GAB2: variants seen among roughly 807,000 people sequenced by gnomAD.
GAB2 encodes GRB2 associated binding protein 2, also known as GRB2-associated-binding protein 2.
In GAB2, 26 loss-of-function variants were observed where a neutral mutation model predicts 65.5. The observed-to-expected ratio is 0.40, with a 90% CI of 0.29 to 0.55. The LOEUF is 0.55. GAB2 is among the 20% of genes least tolerant of loss of function. The pLI is 0.53. For missense variants in GAB2, 884 were observed against 875.8 expected, an observed-to-expected ratio of 1.01 and a Z score of -0.12; for synonymous variants, 321 against 329.6, an observed-to-expected ratio of 0.97 and a Z score of 0.28.
At chr11:78,259,501 T>C (rs1865680052) in intron 2 of GAB2, among the ~76,000 whole-genome samples, 1 of 152,218 alleles carries the variant, frequency 6.6e-6, no homozygotes, top group Non-Finnish European at 1.5e-5. Context: ...TGACAGGTGC[T>C]GAGGGCAAGA....
chr11:78,380,472 G>A lies in GAB2; in HGVS notation c.75+37174C>T, dbSNP rs1365784337. ...GCCTGCCTCGGCCTCCCAAAGTGCT[G>A]GGATTACAGGAATGAGAACATTTCT... On this transcript the variant is annotated intron_variant, in intron 1 of 9. Coordinates refer to ENST00000361507, the MANE Select transcript of GAB2 (RefSeq NM_080491.3). Among the ~76,000 whole-genome samples, 5 of 152,164 alleles carry A rather than the reference G, an allele frequency of 3.3e-5. No individual in the cohort carries two copies. The East Asian group carries it at 9.6e-4, about 29-fold the overall frequency.
chr11:78,275,770 T>G (rs771206654), intron 2 of GAB2, among the ~76,000 whole-genome samples: 5 of 152,244 alleles, frequency 3.3e-5, no homozygotes, highest in Admixed American at 6.5e-5. Context: ...ATATATACAC[T>G]AAAACACACA....
intron 1 of GAB2, among the ~76,000 whole-genome samples, chr11:78,322,813 AC>A (rs1190967027): frequency 6.4e-4 from 95 of 148,992 alleles, no homozygotes; most frequent in African/African-American, 2.3e-3. Context: ...AAAAAAAAAA[AC>A]AACAACAGAT....
intron 1 of GAB2, among the ~76,000 whole-genome samples, chr11:78,301,371 C>A (rs943365798): frequency 2.0e-5 from 3 of 148,812 alleles, no homozygotes; most frequent in Middle Eastern, 3.4e-3. Flanking sequence ...GCACTGTCAC[C>A]CAGGCTGGAG....
intron 1 of GAB2, among the ~76,000 whole-genome samples, chr11:78,412,135 T>A (rs1857138084): frequency 7.1e-6 from 1 of 140,604 alleles, no homozygotes; most frequent in South Asian, 2.4e-4. Flanking sequence ...CAAAACTCCA[T>A]CTCAAAAAAA....
At chr11:78,282,831 T>C (rs1420165739) in intron 1 of GAB2, among the ~76,000 whole-genome samples, 3 of 152,216 alleles carry the variant, frequency 2.0e-5, no homozygotes. Flanking sequence ...CTACCATCTT[T>C]TCACTCTCAC....
chr11:78,244,583 A>C (rs1457279538), intron 3 of GAB2, among the ~76,000 whole-genome samples: 1 of 151,840 alleles, frequency 6.6e-6, no homozygotes, highest in Non-Finnish European at 1.5e-5. Flanking sequence ...AGCAAAAAAA[A>C]ACAAATAATG....
At chr11:78,389,375 C>T (rs1207902904) in intron 1 of GAB2, among the ~76,000 whole-genome samples, 2 of 150,960 alleles carry the variant, frequency 1.3e-5, no homozygotes, top group Non-Finnish European at 2.9e-5. Context: ...GGCACAATCT[C>T]GGCTCACTGC....
chr11:78,291,222 G>A (rs1351799412), intron 1 of GAB2, among the ~76,000 whole-genome samples: 1 of 150,520 alleles, frequency 6.6e-6, no homozygotes. Flanking sequence ...AGAGGCCGAG[G>A]CAGGCAGATC....
At chr11:78,229,482 A>T (rs1430138783) in intron 3 of GAB2, among the ~76,000 whole-genome samples, 3 of 152,036 alleles carry the variant, frequency 2.0e-5, no homozygotes, top group African/African-American at 7.2e-5. Context: ...TCAAGAATGA[A>T]CTCATCATCT....
intron 1 of GAB2, among the ~76,000 whole-genome samples, chr11:78,415,061 G>A (rs146777906): frequency 0.015 from 2,329 of 152,192 alleles, 20 homozygotes; most frequent in South Asian, 0.031. Flanking sequence ...TGGTAGAGAC[G>A]GGGTTTCACC....
chr11:78,404,612 C>T (rs181242093), intron 1 of GAB2, among the ~76,000 whole-genome samples: 7 of 152,340 alleles, frequency 4.6e-5, no homozygotes, highest in East Asian at 1.9e-4. Context: ...CGTGGCAACA[C>T]GGTTGGTACT....
Position 78,280,695 on chromosome 11 carries a change from G to T in GAB2, c.282C>A (p.Thr94=). ...FVFDIKTSER[T]FYLVAETEED... is the part of the protein sequence containing the mutation. ...CTTCTGTCTCAGCCACCAGGTAAAA[G>T]GTGCGTTCACTGGTCTTGATGTCAA... The change falls in exon 2 of 10, where the codon ACC becomes ACA. Residue 94 remains threonine (T), a synonymous_variant. Transcript: ENST00000361507. 6.2e-7 allele frequency: 1 copy of T among 1,613,942 alleles called. No individual in the cohort carries two copies. Among genetic ancestry groups the T allele is most frequent in the Non-Finnish European group, 8.5e-7 (1 of 1,179,832 alleles).
intron 1 of GAB2, among the ~76,000 whole-genome samples, chr11:78,375,105 C>T (rs890963638): frequency 2.6e-5 from 4 of 152,154 alleles, no homozygotes; most frequent in African/African-American, 9.7e-5. Context: ...AGTGCAATTG[C>T]ACAATCATAG....
chr11:78,387,132 G>A (rs1856778362), intron 1 of GAB2, among the ~76,000 whole-genome samples: 1 of 152,172 alleles, frequency 6.6e-6, no homozygotes. Context: ...GCCTAGAGCT[G>A]CTAGGCTGAA....
At chr11:78,312,777 G>A (rs1855527666) in intron 1 of GAB2, among the ~76,000 whole-genome samples, 1 of 152,168 alleles carries the variant, frequency 6.6e-6, no homozygotes, top group Admixed American at 6.5e-5. Flanking sequence ...AAGTGGTTAA[G>A]TAACTTAATT....
chr11:78,256,921 C>G (rs1865609714), intron 2 of GAB2, among the ~76,000 whole-genome samples: 1 of 152,076 alleles, frequency 6.6e-6, no homozygotes, highest in African/African-American at 2.4e-5. Context: ...ATGGAGGTTT[C>G]TAGACTCCTG....
At chr11:78,312,902 A>T (rs574929903) in intron 1 of GAB2, among the ~76,000 whole-genome samples, 1 of 152,290 alleles carries the variant, frequency 6.6e-6, no homozygotes, top group South Asian at 2.1e-4. Context: ...AACTTCTCAG[A>T]TCTAGTGTCC....
chr11:78,298,916 C>T (rs1438601621), intron 1 of GAB2, among the ~76,000 whole-genome samples: 1 of 152,188 alleles, frequency 6.6e-6, no homozygotes, highest in African/African-American at 2.4e-5. Context: ...TGTTTTACTT[C>T]TTTGCTTTAA....
Sources: gnomAD v4.1 joint callset for allele counts (sites outside exome capture counted in the v4.1 genomes callset) on GRCh38, gnomAD v4.1.1 for gene constraint, MANE v1.5 for transcripts, NCBI Gene and HGNC (gene_info 2026-07-23, HGNC 2026-07-21) for gene names.